Variants in TRHDE observed in about 807,000 individuals in gnomAD.
TRHDE encodes the protein thyrotropin releasing hormone degrading enzyme.
Under a neutral mutation model 125.7 loss-of-function variants are expected in TRHDE, and 72 were observed. That is an observed-to-expected ratio of 0.57 (90% CI 0.47 to 0.70). The LOEUF is 0.70. Among genes scored for constraint, TRHDE ranks in the 30% least tolerant of loss-of-function variants. TRHDE has a pLI of 0.00. For missense variants in TRHDE, 1,110 were observed against 1,327.1 expected, an observed-to-expected ratio of 0.84 and a Z score of 2.54; for synonymous variants, 509 against 509.1, an observed-to-expected ratio of 1.00 and a Z score of 0.00.
At chr12:72,499,171 A>G (rs1015317424) in intron 5 of TRHDE, among the ~76,000 whole-genome samples, 3 of 152,190 alleles carry the variant, frequency 2.0e-5, no homozygotes, top group Non-Finnish European at 2.9e-5. Flanking sequence ...AAATGCACAA[A>G]TAAGTCTGCA....
chr12:72,661,855 C>T (rs1425681854), intron 18 of TRHDE, among the ~76,000 whole-genome samples: 1 of 152,090 alleles, frequency 6.6e-6, no homozygotes, highest in East Asian at 1.9e-4. Context: ...TATGAAAGCA[C>T]AGTGATTTAG....
Position 72,233,559 on chromosome 12 carries a change from C to T in TRHDE, n.279+127807C>T, listed in dbSNP as rs116865704. ...GCAAATTTGTTTTCTAAGTTAAATG[C>T]AATTCATAAAAGAAAGGAAGCACAG... On this transcript the variant is annotated intron_variant and non_coding_transcript_variant, in intron 2 of 4. Transcript: ENST00000548156. Among the ~76,000 whole-genome samples, 97 of 152,152 alleles carry T rather than the reference C, an allele frequency of 6.4e-4. 1 individual carries two copies. In the East Asian group the frequency reaches 0.017, roughly 27 times the overall value.
At chr12:72,091,979 A>G (rs1874802954) in intron 1 of TRHDE, among the ~76,000 whole-genome samples, 1 of 152,118 alleles carries the variant, frequency 6.6e-6, no homozygotes, top group Non-Finnish European at 1.5e-5. Context: ...TCCTTAAAAC[A>G]GTTTCTTTTG....
rs186870151 is a variant in TRHDE, at chr12:72,611,902, C to T, written c.2322-6989C>T. On this transcript the variant is annotated intron_variant, in intron 12 of 18. Coordinates refer to ENST00000261180, the MANE Select transcript of TRHDE (RefSeq NM_013381.3). The stretch of plus-strand genomic sequence containing the variant: ...TAAGCTTATACAATATCTTCTCTAT[C>T]GTGAATACTGACATCTTTTCTTCAC... 1.9e-4 allele frequency among the ~76,000 whole-genome samples: 29 copies of T among 152,236 alleles called. No homozygotes were observed. In the East Asian group the frequency reaches 3.5e-3, roughly 18 times the overall value.
At chr12:72,250,981 G>T (rs747160000) in intron 2 of TRHDE, among the ~76,000 whole-genome samples, 15 of 151,266 alleles carry the variant, frequency 9.9e-5, no homozygotes, top group Non-Finnish European at 1.9e-4. Context: ...TGAGACCATT[G>T]AGATACATAT....
chr12:72,584,328 G>C (rs1436300620), intron 12 of TRHDE, among the ~76,000 whole-genome samples: 4 of 151,848 alleles, frequency 2.6e-5, no homozygotes, highest in Non-Finnish European at 5.9e-5. Flanking sequence ...ATGAAGTTTT[G>C]AAGTATATGT....
chr12:72,113,792 ATAT>A (rs1875378344), intron 2 of TRHDE, among the ~76,000 whole-genome samples: 1 of 152,048 alleles, frequency 6.6e-6, no homozygotes, highest in Non-Finnish European at 1.5e-5. Flanking sequence ...CATGTAATTG[ATAT>A]TATGGTATTG....
intron 2 of TRHDE, among the ~76,000 whole-genome samples, chr12:72,245,454 C>G (rs1418550956): frequency 6.6e-6 from 1 of 151,974 alleles, no homozygotes; most frequent in Non-Finnish European, 1.5e-5. Context: ...ACAATAAAAG[C>G]ACTCTACCAT....
chr12:72,653,926 T>C (rs897378468), intron 17 of TRHDE, among the ~76,000 whole-genome samples: 1 of 152,128 alleles, frequency 6.6e-6, no homozygotes, highest in Non-Finnish European at 1.5e-5. Context: ...CCTTCATCAG[T>C]TGCCCTGGTA....
chr12:72,387,625 C>T (rs1391512030), intron 3 of TRHDE, among the ~76,000 whole-genome samples: 1 of 152,150 alleles, frequency 6.6e-6, no homozygotes, highest in Non-Finnish European at 1.5e-5. Flanking sequence ...TATGGTTTGA[C>T]TGTGTTCCCA....
chr12:72,370,082 T>C (rs1008076340), intron 2 of TRHDE, among the ~76,000 whole-genome samples: 1 of 152,180 alleles, frequency 6.6e-6, no homozygotes, highest in South Asian at 2.1e-4. Context: ...AAATATTTTG[T>C]ACTTTTCTCC....
At position 72,172,871 on chromosome 12, in the gene TRHDE, C is replaced by T. The variant is rs181197919; in HGVS notation, n.279+67119C>T. On this transcript the variant is annotated intron_variant and non_coding_transcript_variant, in intron 2 of 4. Transcript: ENST00000548156. Reference sequence around the variant, plus strand: ...CAGAACCTGTTTAATGTTGGTTTTACTCAACATTTTTCAAACATATGTGGT... The same window carrying T: ...CAGAACCTGTTTAATGTTGGTTTTATTCAACATTTTTCAAACATATGTGGT... Among the ~76,000 whole-genome samples the T allele has an allele frequency of 5.2e-3, 789 of 152,264 alleles. 28 individuals are homozygous for T. The highest frequency in any genetic ancestry group is 0.047 in the Admixed American group (714 of 15,284).
At chr12:72,327,533 G>T (rs1036070938) in intron 2 of TRHDE, among the ~76,000 whole-genome samples, 1 of 152,088 alleles carries the variant, frequency 6.6e-6, no homozygotes, top group East Asian at 1.9e-4. Context: ...CAAACTGACC[G>T]TAGAGATTTA....
chr12:72,450,834 C>A (rs1036439045), intron 3 of TRHDE, among the ~76,000 whole-genome samples: 1 of 152,048 alleles, frequency 6.6e-6, no homozygotes, highest in African/African-American at 2.4e-5. Flanking sequence ...TCTGTAGTAG[C>A]CATTCTAACA....
rs376819148 is a variant in TRHDE, at chr12:72,170,050, T to C, written n.279+64298T>C. ...GAAGTGACAATAAATAGGAACGGTA[T>C]GGGCTGGAAGCAGGAGCTAGTCGAC... On this transcript the variant is annotated intron_variant and non_coding_transcript_variant, in intron 2 of 4. Transcript: ENST00000548156. 5.9e-5 allele frequency among the ~76,000 whole-genome samples: 9 copies of C among 152,254 alleles called. No individual in the cohort carries two copies. In the East Asian group the frequency reaches 1.7e-3, roughly 29 times the overall value.
At chr12:72,574,915 T>A (rs1870919811) in intron 10 of TRHDE, among the ~76,000 whole-genome samples, 1 of 152,044 alleles carries the variant, frequency 6.6e-6, no homozygotes, top group Non-Finnish European at 1.5e-5. Flanking sequence ...TAGTGTCATA[T>A]CCCCATACGA....
intron 1 of TRHDE, among the ~76,000 whole-genome samples, chr12:72,278,836 G>T (rs1199704329): frequency 6.6e-6 from 1 of 152,048 alleles, no homozygotes; most frequent in Non-Finnish European, 1.5e-5. Context: ...ATATGTTTTG[G>T]TCATTAATCA....
At chr12:72,337,077 A>G (rs1338715775) in intron 2 of TRHDE, among the ~76,000 whole-genome samples, 2 of 152,192 alleles carry the variant, frequency 1.3e-5, no homozygotes, top group East Asian at 1.9e-4. Flanking sequence ...GAGAAGCCCC[A>G]TCCTAGCACA....
At chr12:72,608,148 C>T (rs921052911) in intron 12 of TRHDE, among the ~76,000 whole-genome samples, 42 of 152,042 alleles carry the variant, frequency 2.8e-4, no homozygotes, top group African/African-American at 1.0e-3. Context: ...GCCCAAAATT[C>T]AGCCCTACAG....
Sources: allele counts gnomAD v4.1 joint callset (sites outside exome capture counted in the v4.1 genomes callset), GRCh38; gene constraint gnomAD v4.1.1; transcripts MANE v1.5; gene names NCBI Gene and HGNC (gene_info 2026-07-23, HGNC 2026-07-21).